LRP1B: variants seen among roughly 807,000 people sequenced by gnomAD.
LRP1B encodes the protein low-density lipoprotein receptor-related protein 1B.
In LRP1B, 217 loss-of-function variants were observed where a neutral mutation model predicts 556.6. The observed-to-expected ratio is 0.39, with a 90% CI of 0.35 to 0.44. The LOEUF (loss-of-function observed/expected upper bound fraction) is 0.44, where lower values mean the gene tolerates loss of function less well. Ranked by LOEUF, LRP1B falls within the 20% of genes least tolerant of loss-of-function variation. The pLI, the probability that LRP1B is intolerant of heterozygous loss-of-function variation, is 1.00. For synonymous variants in LRP1B, 2,047 were observed against 1,865.8 expected, an observed-to-expected ratio of 1.10 and a Z score of -2.50; for missense variants, 5,053 against 5,620.8, an observed-to-expected ratio of 0.90 and a Z score of 3.23.
At chr2:140,441,819 A>C (rs17478280) in intron 66 of LRP1B, among the ~76,000 whole-genome samples, 5,692 of 152,276 alleles carry the variant, frequency 0.037, 167 homozygotes, top group Non-Finnish European at 0.058. Flanking sequence ...AATTAATGTT[A>C]ATAAATGCTG....
intron 3 of LRP1B, among the ~76,000 whole-genome samples, chr2:141,365,655 C>CTT (rs781538829): frequency 1.7e-4 from 20 of 121,130 alleles, no homozygotes; most frequent in Admixed American, 4.4e-4. Flanking sequence ...GTTTTTGTTG[C>CTT]TTTTTTTTTT....
At chr2:141,904,368 G>A (rs183489747) in intron 1 of LRP1B, among the ~76,000 whole-genome samples, 1 of 151,954 alleles carries the variant, frequency 6.6e-6, no homozygotes, top group Non-Finnish European at 1.5e-5. Flanking sequence ...AGGGTGTGAG[G>A]CAAGAGGGTA....
intron 77 of LRP1B, among the ~76,000 whole-genome samples, chr2:140,344,820 GACT>G (rs1360404440): frequency 7.9e-5 from 12 of 151,690 alleles, no homozygotes; most frequent in Non-Finnish European, 1.8e-4. Context: ...GAGAGTAGAG[GACT>G]AAGGGCTGAG....
At chr2:140,741,469 G>T (rs1164558109) in intron 35 of LRP1B, among the ~76,000 whole-genome samples, 1 of 152,072 alleles carries the variant, frequency 6.6e-6, no homozygotes, top group East Asian at 1.9e-4. Context: ...CCAATGTTCA[G>T]CAACCACACT....
intron 33 of LRP1B, among the ~76,000 whole-genome samples, chr2:140,775,885 A>G (rs1342184355): frequency 1.3e-5 from 2 of 152,164 alleles, no homozygotes; most frequent in Admixed American, 6.5e-5. Flanking sequence ...TGACAAATTA[A>G]GACTCCTAAG....
intron 1 of LRP1B, among the ~76,000 whole-genome samples, chr2:142,074,698 G>A (rs758136742): frequency 2.3e-4 from 35 of 151,892 alleles, no homozygotes; most frequent in Admixed American, 7.2e-4. Context: ...CCAGCTCAAG[G>A]CCTTAGGGTT....
chr2:142,091,429 C>A (rs1706170025), intron 1 of LRP1B, among the ~76,000 whole-genome samples: 1 of 151,824 alleles, frequency 6.6e-6, no homozygotes, highest in South Asian at 2.1e-4. Flanking sequence ...TAACTAAGGG[C>A]TGAAAATTAT....
chr2:140,418,821 A>C (rs778939509), intron 66 of LRP1B, among the ~76,000 whole-genome samples: 1 of 152,106 alleles, frequency 6.6e-6, no homozygotes, highest in Non-Finnish European at 1.5e-5. Flanking sequence ...GAATCATCCC[A>C]AAACCATACC....
rs150360949 is a variant in LRP1B at position 140,874,879 on chromosome 2, C to T, written c.4170-6616G>A. 2.5e-3 allele frequency among the ~76,000 whole-genome samples: 378 copies of T among 151,924 alleles called. 1 individual carries two copies. Among genetic ancestry groups the T allele is most frequent in the African/African-American group, 8.8e-3 (363 of 41,456 alleles). On this transcript the variant is annotated intron_variant, in intron 25 of 90. Coordinates refer to ENST00000389484, the MANE Select transcript of LRP1B (RefSeq NM_018557.3). ...ACTAAAAATAAAAAAAATAGCGGGGCGTGGTGGCAGGCACCTGTAATCCCA... is the reference window on the plus strand; with the variant it reads ...ACTAAAAATAAAAAAAATAGCGGGGTGTGGTGGCAGGCACCTGTAATCCCA...
intron 3 of LRP1B, among the ~76,000 whole-genome samples, chr2:141,269,393 T>A (rs1685005242): frequency 1.3e-5 from 2 of 152,186 alleles, no homozygotes; most frequent in African/African-American, 4.8e-5. Context: ...AAAAAGCATT[T>A]TTTTAAACTA....
chr2:140,806,711 A>G (rs1690729126), intron 32 of LRP1B, among the ~76,000 whole-genome samples: 3 of 152,178 alleles, frequency 2.0e-5, no homozygotes, highest in Admixed American at 2.0e-4. Context: ...GTTTCCTTAA[A>G]TATTATTCAT....
At chr2:141,188,351 T>C in intron 7 of LRP1B, 70 bp downstream of exon 7, 1 of 1,438,356 alleles carries the variant, frequency 7.0e-7, no homozygotes, top group South Asian at 1.2e-5. Context: ...ACAACAACAC[T>C]TGTCATACTT....
intron 7 of LRP1B, among the ~76,000 whole-genome samples, chr2:141,088,582 A>C: frequency 6.6e-6 from 1 of 152,282 alleles, no homozygotes; most frequent in South Asian, 2.1e-4. Context: ...TGAGGCACTT[A>C]TATTTCCTCC....
At chr2:142,017,170 T>G (rs997879926) in intron 1 of LRP1B, among the ~76,000 whole-genome samples, 15 of 151,934 alleles carry the variant, frequency 9.9e-5, no homozygotes, top group Admixed American at 7.9e-4. Context: ...GACAAAAAAT[T>G]GAAATATTAG....
At chr2:141,715,810 C>T (rs1380614135) in intron 2 of LRP1B, among the ~76,000 whole-genome samples, 4 of 152,048 alleles carry the variant, frequency 2.6e-5, no homozygotes, top group Admixed American at 1.3e-4. Context: ...AGTGAAACTC[C>T]GTCTCAGAAA....
chr2:141,024,327 C>T (rs555258813), intron 11 of LRP1B, among the ~76,000 whole-genome samples: 1 of 152,070 alleles, frequency 6.6e-6, no homozygotes, highest in Non-Finnish European at 1.5e-5. Context: ...AGGGTGAATA[C>T]ACAAGCCATT....
intron 35 of LRP1B, among the ~76,000 whole-genome samples, chr2:140,763,421 T>G (rs1688998471): frequency 1.3e-5 from 2 of 152,108 alleles, no homozygotes; most frequent in Non-Finnish European, 2.9e-5. Context: ...TAATGCAGAT[T>G]TGATGTGCTT....
chr2:142,017,743 C>T (rs1300240036), intron 1 of LRP1B, among the ~76,000 whole-genome samples: 1 of 151,938 alleles, frequency 6.6e-6, no homozygotes, highest in Admixed American at 6.6e-5. Context: ...AAAACTTAGC[C>T]GGGCGTGGTG....
intron 3 of LRP1B, among the ~76,000 whole-genome samples, chr2:141,385,303 T>C (rs978901899): frequency 6.6e-6 from 1 of 152,096 alleles, no homozygotes; most frequent in South Asian, 2.1e-4. Flanking sequence ...GAAAAATATA[T>C]ACAGTTTGAG....
Sources: allele counts gnomAD v4.1 joint callset (sites outside exome capture counted in the v4.1 genomes callset), GRCh38; gene constraint gnomAD v4.1.1; transcripts MANE v1.5; gene names NCBI Gene and HGNC (gene_info 2026-07-23, HGNC 2026-07-21).